MTMR12: variants seen among roughly 807,000 people sequenced by gnomAD.
MTMR12 encodes the protein myotubularin-related protein 12.
A neutral mutation model predicts 96.7 loss-of-function variants in MTMR12; 33 were observed. That is an observed-to-expected ratio of 0.34 (90% confidence interval 0.26 to 0.46). The LOEUF is 0.46. Ranked by LOEUF, MTMR12 falls within the 20% of genes least tolerant of loss-of-function variation. The pLI is 1.00. For missense variants in MTMR12, 721 were observed against 896.1 expected (o/e 0.80, Z 2.49); for synonymous variants, 298 against 327.2 (o/e 0.91, Z 0.96).
intron 1 of MTMR12, among the ~76,000 whole-genome samples, chr5:32,289,443 C>T (rs927722363): frequency 1.3e-5 from 2 of 152,270 alleles, no homozygotes; most frequent in African/African-American, 4.8e-5. Context: ...CAACAATTTA[C>T]GCAGTGGATC....
chr5:32,249,352 T>C (rs1320069519), intron 8 of MTMR12, among the ~76,000 whole-genome samples: 1 of 152,144 alleles, frequency 6.6e-6, no homozygotes, highest in Non-Finnish European at 1.5e-5. Context: ...GTAGCTGCAG[T>C]GTGACTCTAA....
chr5:32,235,598 CACTA>C (rs1400922365), intron 13 of MTMR12, among the ~76,000 whole-genome samples: 6 of 152,174 alleles, frequency 3.9e-5, no homozygotes, highest in Admixed American at 2.0e-4. Flanking sequence ...CCTGCCCACA[CACTA>C]ACTGACAGGG....
chr5:32,271,041 T>A, intron 4 of MTMR12, 94 bp from the exon 5 acceptor site: 3 of 1,358,286 alleles, frequency 2.2e-6, no homozygotes, highest in Non-Finnish European at 3.0e-6. Flanking sequence ...CTTCTAGGGA[T>A]ACTTCCCAAG....
intron 1 of MTMR12, among the ~76,000 whole-genome samples, chr5:32,281,532 G>A (rs1260317400): frequency 6.6e-6 from 1 of 152,128 alleles, no homozygotes; most frequent in African/African-American, 2.4e-5. Context: ...TGGTCATTAT[G>A]CATCTTATCT....
At chr5:32,296,477 T>A in intron 1 of MTMR12, 1 of 370,390 alleles carries the variant, frequency 2.7e-6, no homozygotes, top group Non-Finnish European at 5.6e-6. Context: ...AGACCTTGTC[T>A]CCAAAAAAAG....
chr5:32,286,324 G>GT (rs1455479982), intron 1 of MTMR12, among the ~76,000 whole-genome samples: 1 of 152,108 alleles, frequency 6.6e-6, no homozygotes, highest in East Asian at 1.9e-4. Flanking sequence ...GTGGGTGACA[G>GT]TAAGATTCTG....
At chr5:32,273,259 G>A (rs890219656) in intron 3 of MTMR12, among the ~76,000 whole-genome samples, 13 of 152,154 alleles carry the variant, frequency 8.5e-5, no homozygotes, top group African/African-American at 2.4e-4. Context: ...AATTAGCCAG[G>A]CGTGAATGTC....
rs758044354 is a variant in MTMR12 at position 32,248,783 on chromosome 5, G to A, written c.885C>T (p.Ser295=). 1.1e-5 allele frequency: 17 copies of A among 1,613,736 alleles called. No individual in the cohort carries two copies. The East Asian group carries it at 3.6e-4, about 34-fold the overall frequency. Residue 295 remains serine, a synonymous_variant, in exon 9 of 16, where the codon AGC becomes AGT. Transcript: ENST00000382142. The part of the protein sequence containing the change: ...QDDGILQIQK[S]FLDGIYKTIH... The stretch of plus-strand genomic sequence containing the variant: ...GAACTAGTACTGACCCATCTAAGAA[G>A]CTCTTTTGGATTTGTAAAATGCCGT...
chr5:32,292,585 C>T (rs1024025324), intron 1 of MTMR12, among the ~76,000 whole-genome samples: 1 of 152,176 alleles, frequency 6.6e-6, no homozygotes, highest in Non-Finnish European at 1.5e-5. Context: ...AGTCTACTCT[C>T]CATAATGGAG....
At chr5:32,257,045 G>A (rs1581606999) in intron 7 of MTMR12, among the ~76,000 whole-genome samples, 2 of 152,356 alleles carry the variant, frequency 1.3e-5, no homozygotes, top group Admixed American at 1.3e-4. Flanking sequence ...CACTTTGGGA[G>A]GCTGAGGCAT....
chr5:32,290,894 G>C (rs1226209433), intron 1 of MTMR12, among the ~76,000 whole-genome samples: 1 of 152,204 alleles, frequency 6.6e-6, no homozygotes, highest in Non-Finnish European at 1.5e-5. Context: ...GGTAGAAACT[G>C]AATGTTTGAC....
In MTMR12 at chr5:32,230,041, G is replaced by C. The variant is rs1747931929; in HGVS notation, c.1981C>G (p.Leu661Val). 2 of 1,613,522 alleles carry C rather than the reference G, an allele frequency of 1.2e-6. No individual in the cohort carries two copies. The highest frequency in any genetic ancestry group is 4.5e-5 in the East Asian group (2 of 44,840). The change falls in exon 16 of 16, where the codon CTG becomes GTG. Residue 661 changes from leucine to valine, a missense_variant. Physicochemically the swap from Leu to Val is conservative, Grantham distance 32 (BLOSUM62 1). Transcript: ENST00000382142. Reference protein sequence around the residue: ...QILGGGQVATLSKLLEMMEEV... With the variant: ...QILGGGQVATVSKLLEMMEEV... ...TCCATCATTTCCAAGAGTTTGCTCA[G>C]AGTGGCCACTTGGCCACCACCTAGG...
At chr5:32,304,720 G>A (rs1751286181) in intron 1 of MTMR12, among the ~76,000 whole-genome samples, 2 of 152,196 alleles carry the variant, frequency 1.3e-5, no homozygotes, top group Non-Finnish European at 2.9e-5. Context: ...GAAGTAGGGT[G>A]CAGAAGTATG....
intron 1 of MTMR12, among the ~76,000 whole-genome samples, chr5:32,309,306 C>CA (rs953462007): frequency 5.3e-5 from 8 of 151,880 alleles, no homozygotes; most frequent in Non-Finnish European, 7.4e-5. Context: ...AGGGTTCTAT[C>CA]AAAAAAAGAC....
intron 1 of MTMR12, among the ~76,000 whole-genome samples, chr5:32,280,270 C>T (rs1750243028): frequency 6.6e-6 from 1 of 152,174 alleles, no homozygotes; most frequent in South Asian, 2.1e-4. Context: ...ATAAATGCTC[C>T]TATCAGCTTT....
At chr5:32,292,938 C>T (rs536111194) in intron 1 of MTMR12, among the ~76,000 whole-genome samples, 81 of 152,296 alleles carry the variant, frequency 5.3e-4, no homozygotes, top group African/African-American at 1.9e-3. Context: ...TGCATATATA[C>T]ATGTTTTATT....
At chr5:32,241,603 C>A (rs531834476) in intron 12 of MTMR12, among the ~76,000 whole-genome samples, 2 of 152,250 alleles carry the variant, frequency 1.3e-5, no homozygotes, top group East Asian at 1.9e-4. Context: ...TCATGTACAG[C>A]GAGTTAAGCC....
Position 32,227,999 on chromosome 5 carries a change from A to T in MTMR12, c.*1779T>A, listed in dbSNP as rs1178225872. ...AACCTAGAAACTTCTCTTAGTCAAT[A>T]GTTTCCAATTTTCTGAGACGAGGTC... On this transcript the variant is annotated 3_prime_UTR_variant, in exon 16 of 16. Transcript: ENST00000382142. 6.6e-6 allele frequency: 1 copy of T among 152,526 alleles called. No homozygotes were observed. The highest frequency in any genetic ancestry group is 1.5e-5 in the Non-Finnish European group (1 of 68,056). The allele number at this position is 152,526 out of a possible 1,614,324, so 9.4% of individuals were successfully genotyped here. A position where few individuals can be genotyped will look rare whatever the true frequency, so the allele number is the denominator to read the frequency against.
chr5:32,255,511 CTT>C, intron 8 of MTMR12, among the ~76,000 whole-genome samples, 180 bp downstream of exon 8: 1 of 152,172 alleles, frequency 6.6e-6, no homozygotes, highest in East Asian at 1.9e-4. Flanking sequence ...TTTGTGAAAA[CTT>C]TAGAACTCTG....
Sources: gnomAD v4.1 joint callset for allele counts (sites outside exome capture counted in the v4.1 genomes callset) on GRCh38, gnomAD v4.1.1 for gene constraint, MANE v1.5 for transcripts, NCBI Gene and HGNC (gene_info 2026-07-23, HGNC 2026-07-21) for gene names.